The following INSC variants were observed in gnomAD, a reference collection of about 807,000 sequenced individuals.
INSC encodes protein inscuteable homolog.
Under a neutral mutation model 58.6 loss-of-function variants are expected in INSC, and 67 were observed. The observed-to-expected ratio is 1.14, with a 90% CI of 0.94 to 1.40. The LOEUF is 1.40. Ranked by LOEUF, INSC falls within the 40% of genes most tolerant of loss-of-function variation. The pLI, the probability that INSC is intolerant of heterozygous loss-of-function variation, is 0.00. For missense variants in INSC, 714 were observed against 692.0 expected, an observed-to-expected ratio of 1.03 and a Z score of -0.36; for synonymous variants, 262 against 276.1, an observed-to-expected ratio of 0.95 and a Z score of 0.51.
chr11:15,227,771 C>T (rs927263239), intron 9 of INSC, among the ~76,000 whole-genome samples: 24 of 152,276 alleles, frequency 1.6e-4, no homozygotes, highest in African/African-American at 3.4e-4. Context: ...CCGCCTTACT[C>T]ATGCTCATGT....
chr11:15,237,629 A>T lies in INSC; in HGVS notation c.1238-1290A>T, dbSNP rs557568322. Among the ~76,000 whole-genome samples the T allele has an allele frequency of 1.2e-4, 19 of 152,292 alleles. No homozygotes were observed. The South Asian group carries it at 3.7e-3, about 30-fold the overall frequency. On this transcript the variant is annotated intron_variant, in intron 10 of 12. Transcript: ENST00000379556. ...GGTGTCTACTGGAAGACAGGCCTCT[A>T]AGGTCTGGACAGGGCAAATCTTGTT...
chr11:15,229,966 ATATATATATATATT>A, intron 9 of INSC, among the ~76,000 whole-genome samples: 1 of 12,838 alleles, frequency 7.8e-5, no homozygotes, highest in Non-Finnish European at 1.4e-4. Context: ...ATATTTATAT[ATATATATATATATT>A]ATATATATAT....
intron 1 of INSC, among the ~76,000 whole-genome samples, chr11:15,144,012 G>A (rs1848433923): frequency 6.6e-6 from 1 of 152,188 alleles, no homozygotes; most frequent in African/African-American, 2.4e-5. Flanking sequence ...CTAGTCCTGT[G>A]CACCTGATTG....
chr11:15,153,542 G>T (rs1044692906), intron 2 of INSC, among the ~76,000 whole-genome samples: 1 of 152,196 alleles, frequency 6.6e-6, no homozygotes, highest in Non-Finnish European at 1.5e-5. Flanking sequence ...GGGATAATTG[G>T]ATATTTTTCT....
the INSC span, among the ~76,000 whole-genome samples, chr11:15,260,845 C>T: frequency 6.6e-6 from 1 of 152,006 alleles, no homozygotes; most frequent in African/African-American, 2.4e-5. Context: ...TCTGGGAGCA[C>T]CTCTTATGGT....
chr11:15,212,153 G>A (rs1851051413), intron 7 of INSC, among the ~76,000 whole-genome samples: 1 of 152,100 alleles, frequency 6.6e-6, no homozygotes, highest in Admixed American at 6.5e-5. Flanking sequence ...CCAGGCTGGA[G>A]TGCAGTGGCA....
At chr11:15,140,985 C>T (rs1316055927) in intron 1 of INSC, among the ~76,000 whole-genome samples, 1 of 152,184 alleles carries the variant, frequency 6.6e-6, no homozygotes, top group African/African-American at 2.4e-5. Context: ...TGAACTACCT[C>T]ATGGGGTTAT....
At chr11:15,134,832 T>C (rs1348394835) in intron 1 of INSC, among the ~76,000 whole-genome samples, 1 of 145,238 alleles carries the variant, frequency 6.9e-6, no homozygotes, top group Non-Finnish European at 1.5e-5. Context: ...TCCTCCTTTA[T>C]TTATTTATTT....
chr11:15,148,363 A>G (rs1291037159), intron 1 of INSC, among the ~76,000 whole-genome samples: 3 of 152,220 alleles, frequency 2.0e-5, no homozygotes, highest in Non-Finnish European at 1.5e-5. Flanking sequence ...TGGTATGCTA[A>G]CTTTGTTCTC....
the INSC span, among the ~76,000 whole-genome samples, chr11:15,258,822 A>G: frequency 5.9e-5 from 9 of 152,338 alleles, no homozygotes; most frequent in East Asian, 1.2e-3. Flanking sequence ...CACGTTTAGC[A>G]TAATACAACC....
At chr11:15,172,934 A>C (rs1023677559) in intron 2 of INSC, among the ~76,000 whole-genome samples, 23 of 152,208 alleles carry the variant, frequency 1.5e-4, no homozygotes, top group African/African-American at 5.1e-4. Context: ...GGATTTAAGC[A>C]GGGGAGAAAC....
At chr11:15,155,430 G>T (rs1397795562) in intron 2 of INSC, among the ~76,000 whole-genome samples, 1 of 152,178 alleles carries the variant, frequency 6.6e-6, no homozygotes, top group East Asian at 1.9e-4. Flanking sequence ...GATCCATAAT[G>T]GTTTGTTTAC....
At chr11:15,188,933 A>G (rs1850068420) in intron 5 of INSC, among the ~76,000 whole-genome samples, 1 of 152,182 alleles carries the variant, frequency 6.6e-6, no homozygotes, top group South Asian at 2.1e-4. Context: ...TGTGATCTTT[A>G]TAGGGATTTG....
downstream of INSC, among the ~76,000 whole-genome samples, chr11:15,250,647 T>C (rs534219481): frequency 1.3e-5 from 2 of 152,346 alleles, no homozygotes; most frequent in Non-Finnish European, 2.9e-5. Flanking sequence ...TTGGTCCTAG[T>C]GTTGGTGTCT....
chr11:15,159,562 A>T (rs1399013449), intron 2 of INSC, among the ~76,000 whole-genome samples: 2 of 152,222 alleles, frequency 1.3e-5, no homozygotes, highest in Non-Finnish European at 2.9e-5. Flanking sequence ...GAATGCATTT[A>T]AAATTTTTAC....
At chr11:15,146,749 T>C (rs1387849688) in intron 1 of INSC, among the ~76,000 whole-genome samples, 1 of 152,212 alleles carries the variant, frequency 6.6e-6, no homozygotes, top group African/African-American at 2.4e-5. Flanking sequence ...TGATCCAGAA[T>C]AGGCTATTGA....
At chr11:15,212,194 C>T (rs752907660) in intron 7 of INSC, among the ~76,000 whole-genome samples, 2 of 152,238 alleles carry the variant, frequency 1.3e-5, no homozygotes, top group South Asian at 2.1e-4. Flanking sequence ...CTCCGCCTCC[C>T]GGGTTCAAGC....
the INSC span, among the ~76,000 whole-genome samples, chr11:15,266,913 C>G: frequency 3.6e-4 from 55 of 151,900 alleles, no homozygotes; most frequent in Admixed American, 1.9e-3. Context: ...GGGCTATATG[C>G]TACATCAGTC....
intron 2 of INSC, among the ~76,000 whole-genome samples, chr11:15,165,914 A>G (rs1849180241): frequency 6.6e-6 from 1 of 152,088 alleles, no homozygotes; most frequent in Non-Finnish European, 1.5e-5. Context: ...GGGGACTCTT[A>G]GATGCACTTG....
Sources: allele counts gnomAD v4.1 joint callset (sites outside exome capture counted in the v4.1 genomes callset), GRCh38; gene constraint gnomAD v4.1.1; transcripts MANE v1.5; gene names NCBI Gene and HGNC (gene_info 2026-07-23, HGNC 2026-07-21).